Variants in PUM2 observed in about 807,000 individuals in gnomAD.
PUM2 encodes pumilio RNA binding family member 2.
Under a neutral mutation model 124.5 loss-of-function variants are expected in PUM2, and 57 were observed. That is an observed-to-expected ratio of 0.46 (90% CI 0.37 to 0.57). PUM2 has a LOEUF of 0.57. Among genes scored for constraint, PUM2 ranks in the 20% least tolerant of loss-of-function variants. The pLI is 0.00. For missense variants in PUM2, 1,065 were observed against 1,290.6 expected (o/e 0.83, Z 2.68); for synonymous variants, 460 against 446.1 (o/e 1.03, Z -0.39).
Position 20,318,757 on chromosome 2 carries a change from A to G in PUM2, c.52-112T>C, listed in dbSNP as rs1046006438. 8 of 639,148 alleles carry G rather than the reference A, an allele frequency of 1.3e-5. No homozygotes were observed. The African/African-American group carries it at 1.5e-4, about 12-fold the overall frequency. The allele number at this position is 639,148 out of a possible 1,614,324, so 39.6% of individuals were successfully genotyped here. A position where few individuals can be genotyped will look rare whatever the true frequency, so the allele number is the denominator to read the frequency against. On this transcript the variant is annotated intron_variant, in intron 2 of 20. Coordinates refer to ENST00000361078, the MANE Select transcript of PUM2 (RefSeq NM_015317.5). ...ATACATTAGTTTTCAATGCTAATGA[A>G]AATTCAGAGTGACCTATTTTCTAAG...
chr2:20,253,660 A>G (rs1441114043), intron 20 of PUM2, among the ~76,000 whole-genome samples, 162 bp downstream of exon 20: 1 of 152,158 alleles, frequency 6.6e-6, no homozygotes, highest in Admixed American at 6.5e-5. Context: ...AACCTTAAGC[A>G]TAAAAATGGA....
rs902245077 is a variant in PUM2, at chr2:20,263,226, A to G, written c.2192T>C (p.Ile731Thr). The G allele has an allele frequency of 4.4e-6, 7 of 1,602,580 alleles. No homozygotes were observed. The East Asian group carries it at 6.7e-5, about 15-fold the overall frequency. Residue 731 changes from isoleucine to threonine, a missense_variant, in exon 14 of 21, where the codon ATA (isoleucine) becomes ACA (threonine). Ile to Thr is a moderately conservative substitution (Grantham distance 89, BLOSUM62 -1). Transcript: ENST00000361078. ...ATGCTGGTCTTGAGAAAACTCAACT[A>G]TATGTCCAATCAAGTCTCTAAGCTG... ...NLQLRDLIGH[I>T]VEFSQDQHGS...
At chr2:20,301,739 T>C (rs1286508379) in intron 7 of PUM2, among the ~76,000 whole-genome samples, 1 of 152,132 alleles carries the variant, frequency 6.6e-6, no homozygotes, top group Non-Finnish European at 1.5e-5. Context: ...AGGTACGCAC[T>C]ACCATACCTG....
chr2:20,339,949 T>A (rs1686905052), intron 1 of PUM2, among the ~76,000 whole-genome samples: 1 of 152,020 alleles, frequency 6.6e-6, no homozygotes. Context: ...TGTCATTTCA[T>A]CTAGATTAGT....
intron 2 of PUM2, among the ~76,000 whole-genome samples, chr2:20,319,192 C>T (rs1444513996): frequency 6.6e-6 from 1 of 152,178 alleles, no homozygotes; most frequent in East Asian, 1.9e-4. Context: ...AATCTCAAGG[C>T]CCTGTGCTCT....
Position 20,254,927 on chromosome 2 carries a change from T to G in PUM2, c.2806A>C (p.Lys936Gln). 1 of 1,613,966 alleles carries G rather than the reference T, an allele frequency of 6.2e-7. No homozygotes were observed. The change falls in exon 19 of 21, where the codon AAG (lysine) becomes CAG (glutamine). Residue 936 changes from lysine to glutamine, a missense_variant. By Grantham distance (53) the Lys-to-Gln change is moderately conservative. This residue lies in a region of PUM2 where 968 missense variants were observed against 1,159.8 expected (regional missense o/e 0.83). Coordinates refer to ENST00000361078, the MANE Select transcript of PUM2 (RefSeq NM_015317.5). ...HVLEHGRPED[K>Q]SKIVSEIRGK... ...CTGATTTCGGAAACAATTTTGCTCT[T>G]GTCTTCAGGTCGACCGTGTTCCAGT...
intron 13 of PUM2, among the ~76,000 whole-genome samples, chr2:20,272,596 C>A (rs987151893): frequency 6.6e-6 from 1 of 152,186 alleles, no homozygotes; most frequent in East Asian, 1.9e-4. Flanking sequence ...TGGTATCCAG[C>A]AGTATTAAGT....
intron 1 of PUM2, among the ~76,000 whole-genome samples, chr2:20,341,847 AGGCCTAGCAT>A (rs1687282921): frequency 6.6e-6 from 1 of 152,148 alleles, no homozygotes; most frequent in South Asian, 2.1e-4. Context: ...TGTTAACTAG[AGGCCTAGCAT>A]GGTTGCTCAC....
In PUM2 at chr2:20,311,621, G is replaced by A; in HGVS notation, c.391C>T (p.Gln131Ter). 1 of 1,613,174 alleles carries A rather than the reference G, an allele frequency of 6.2e-7. No homozygotes were observed. The highest frequency in any genetic ancestry group is 8.5e-7 in the Non-Finnish European group (1 of 1,179,548). Reference protein sequence around the residue: ...AETDGPEKGDQKGKASPFEED... With the variant: ...AETDGPEKGD Reference sequence around the variant, plus strand: ...TCAAATGGAGAAGCCTTGCCTTTTTGATCTCCTTTCTCAGGTCCATCTGTT... The same window carrying A: ...TCAAATGGAGAAGCCTTGCCTTTTTAATCTCCTTTCTCAGGTCCATCTGTT... Residue 131 changes from glutamine (Q) to a stop codon, truncating the protein, a stop_gained, in exon 5 of 21, where the codon CAA (glutamine) becomes TAA (stop). Coordinates refer to ENST00000361078, the MANE Select transcript of PUM2 (RefSeq NM_015317.5). LOFTEE classifies it high-confidence loss of function.
At chr2:20,266,169 C>T (rs981272816) in intron 13 of PUM2, among the ~76,000 whole-genome samples, 4 of 152,034 alleles carry the variant, frequency 2.6e-5, no homozygotes, top group African/African-American at 4.8e-5. Flanking sequence ...TGGCCAGGCG[C>T]GGTGGCTCAC....
At chr2:20,289,728 C>A (rs913757427) in intron 10 of PUM2, among the ~76,000 whole-genome samples, 1 of 152,090 alleles carries the variant, frequency 6.6e-6, no homozygotes, top group Non-Finnish European at 1.5e-5. Context: ...AAAGTATTTA[C>A]AAGTACTTAA....
chr2:20,333,222 A>G (rs977138063), intron 1 of PUM2, among the ~76,000 whole-genome samples: 2 of 152,204 alleles, frequency 1.3e-5, no homozygotes, highest in Non-Finnish European at 2.9e-5. Context: ...TAGTTTTCCT[A>G]TTTACTAGTG....
At chr2:20,315,237 G>A (rs1268252319) in intron 3 of PUM2, among the ~76,000 whole-genome samples, 1 of 151,958 alleles carries the variant, frequency 6.6e-6, no homozygotes, top group Non-Finnish European at 1.5e-5. Context: ...GGGGAGGTGA[G>A]AGTGATAGGA....
At chr2:20,263,071 T>C (rs1279643060) in intron 14 of PUM2, 122 bp downstream of exon 14, 4 of 871,762 alleles carry the variant, frequency 4.6e-6, no homozygotes, top group African/African-American at 1.7e-5. Context: ...ATAATCCATA[T>C]TGAATTTTAG....
At chr2:20,335,738 A>T (rs1685858549) in intron 1 of PUM2, among the ~76,000 whole-genome samples, 1 of 152,262 alleles carries the variant, frequency 6.6e-6, no homozygotes, top group African/African-American at 2.4e-5. Flanking sequence ...GAAATTTGGC[A>T]TAAAAATTAG....
intron 1 of PUM2, among the ~76,000 whole-genome samples, chr2:20,342,642 G>T (rs775545586): frequency 6.6e-6 from 1 of 152,004 alleles, no homozygotes; most frequent in South Asian, 2.1e-4. Context: ...CCTAACTTAC[G>T]GTTAAAAGCT....
At chr2:20,332,598 G>T (rs1685152166) in intron 1 of PUM2, among the ~76,000 whole-genome samples, 2 of 152,032 alleles carry the variant, frequency 1.3e-5, no homozygotes, top group African/African-American at 4.8e-5. Flanking sequence ...TGAAGAGATG[G>T]GGAGACAGTT....
chr2:20,267,958 C>T (rs947436448), intron 13 of PUM2, among the ~76,000 whole-genome samples: 1 of 152,224 alleles, frequency 6.6e-6, no homozygotes, highest in Non-Finnish European at 1.5e-5. Flanking sequence ...ACCTCCGTAT[C>T]TACAAGTTTC....
chr2:20,260,311 A>T lies in PUM2; in HGVS notation c.2355+26T>A, dbSNP rs1665866739. ...AAGTATACAACAGCTGGATGGGCGG[A>T]TATACAAATATGCATGAATCCTTAC... On this transcript the variant is annotated intron_variant, in intron 15 of 20. Coordinates refer to ENST00000361078, the MANE Select transcript of PUM2 (RefSeq NM_015317.5). The T allele has an allele frequency of 1.9e-6, 3 of 1,587,038 alleles. No individual in the cohort carries two copies. In the East Asian group the frequency reaches 6.8e-5, roughly 36 times the overall value.
Sources: allele counts gnomAD v4.1 joint callset (sites outside exome capture counted in the v4.1 genomes callset), GRCh38; gene constraint gnomAD v4.1.1; regional missense constraint gnomAD v4.1.1; transcripts MANE v1.5; gene names NCBI Gene and HGNC (gene_info 2026-07-23, HGNC 2026-07-21).